The following PEAK1 variants were observed in gnomAD, a reference collection of about 807,000 sequenced individuals.
PEAK1 encodes pseudopodium enriched atypical kinase 1, also known as inactive tyrosine-protein kinase PEAK1.
Under a neutral mutation model 124.7 loss-of-function variants are expected in PEAK1, and 54 were observed. The observed-to-expected ratio is 0.43, with a 90% CI of 0.35 to 0.54. PEAK1 has a LOEUF of 0.54. Among genes scored for constraint, PEAK1 ranks in the 20% least tolerant of loss-of-function variants. The pLI, the probability that PEAK1 is intolerant of heterozygous loss-of-function variation, is 0.01. For missense variants in PEAK1, 2,046 were observed against 2,134.5 expected (o/e 0.96, Z 0.82); for synonymous variants, 719 against 760.0 (o/e 0.95, Z 0.89).
intron 6 of PEAK1, among the ~76,000 whole-genome samples, chr15:77,247,740 C>T (rs952366486): frequency 6.6e-6 from 1 of 151,892 alleles, no homozygotes; most frequent in South Asian, 2.1e-4. Context: ...CCTGTCTTAG[C>T]CTCCCATTCA....
chr15:77,344,672 A>C (rs2066758393), intron 2 of PEAK1, among the ~76,000 whole-genome samples: 1 of 152,222 alleles, frequency 6.6e-6, no homozygotes, highest in Admixed American at 6.5e-5. Context: ...TCTTAACAAC[A>C]GTGTCTTCCA....
exon 7 of PEAK1, chr15:77,102,027 T>C (rs1246775327): frequency 5.9e-5 from 9 of 152,250 alleles, no homozygotes; most frequent in Non-Finnish European, 1.3e-4. Context: ...TAAACAACAG[T>C]TGCAGGATAT....
rs1265181295 is a variant in PEAK1, at chr15:77,122,250, G to A, written c.4078-6931C>T. Among the ~76,000 whole-genome samples the A allele has an allele frequency of 3.3e-5, 5 of 152,158 alleles. No homozygotes were observed. In the East Asian group the frequency reaches 9.6e-4, roughly 29 times the overall value. On this transcript the variant is annotated intron_variant, in intron 9 of 9. Transcript: ENST00000682557. The stretch of plus-strand genomic sequence containing the variant: ...TTACAGCTTGAATTGCTGCAAAAAT[G>A]TTCACATGCCCAAGAAAGTGATTTT...
chr15:77,195,881 G>A (rs181121601), intron 6 of PEAK1, among the ~76,000 whole-genome samples: 6 of 152,274 alleles, frequency 3.9e-5, no homozygotes, highest in African/African-American at 9.6e-5. Context: ...GAGTGCCCAC[G>A]GAAGGTGCAG....
chr15:77,408,650 C>A (rs1176483574), intron 1 of PEAK1, among the ~76,000 whole-genome samples: 1 of 152,154 alleles, frequency 6.6e-6, no homozygotes, highest in African/African-American at 2.4e-5. Flanking sequence ...CTTAACTCTT[C>A]TTTCACACAA....
At position 77,365,225 on chromosome 15, in the gene PEAK1, C is replaced by A. The variant is rs1415596853; in HGVS notation, c.-665G>T. On this transcript the variant is annotated splice_region_variant and 5_prime_UTR_variant, in exon 2 of 10. Transcript: ENST00000682557. Reference sequence around the variant, plus strand: ...GCATAAGTTCCAGTTTGGGCAGATACCTGAATTGTAAAAAACAAACAGAAA... The same window carrying A: ...GCATAAGTTCCAGTTTGGGCAGATAACTGAATTGTAAAAAACAAACAGAAA... 9.2e-6 allele frequency: 9 copies of A among 981,878 alleles called. No individual in the cohort carries two copies. Among genetic ancestry groups the A allele is most frequent in the Non-Finnish European group, 1.1e-5 (9 of 826,924 alleles). 60.8% of individuals were successfully genotyped at this position (981,878 alleles called of 1,614,324 possible). A position where few individuals can be genotyped will look rare whatever the true frequency, so the allele number is the denominator to read the frequency against.
chr15:77,294,364 A>C (rs938788661), intron 2 of PEAK1, among the ~76,000 whole-genome samples: 6 of 152,190 alleles, frequency 3.9e-5, no homozygotes, highest in Non-Finnish European at 8.8e-5. Flanking sequence ...AGTACTATGC[A>C]AATAAAGATT....
At chr15:77,371,318 A>G (rs1243631817) in intron 1 of PEAK1, 6 of 917,132 alleles carry the variant, frequency 6.5e-6, no homozygotes, top group African/African-American at 1.8e-5. Context: ...TTCACTGAAA[A>G]TATTCCTTCC....
At chr15:77,418,774 G>A (rs1439784134) in intron 1 of PEAK1, 3 of 985,224 alleles carry the variant, frequency 3.0e-6, no homozygotes, top group African/African-American at 3.5e-5. Context: ...ACACTGCAGA[G>A]AGCAATATGG....
At chr15:77,268,092 G>A (rs1177670028) in intron 5 of PEAK1, among the ~76,000 whole-genome samples, 1 of 152,140 alleles carries the variant, frequency 6.6e-6, no homozygotes, top group African/African-American at 2.4e-5. Flanking sequence ...AAATAGAACT[G>A]AACAAGTAGA....
At position 77,115,234 on chromosome 15, in the gene PEAK1, T is replaced by C; in HGVS notation, c.4163A>G (p.Gln1388Arg). ...RQSLAVHFNIQQDCGHFLAEV... is the reference protein window; with the variant it reads ...RQSLAVHFNIRQDCGHFLAEV... ...AGCAAGGAAATGACCACAGTCCTGC[T>C]GAATGTTAAAATGGACAGCCAGACT... Residue 1388 changes from glutamine to arginine, a missense_variant, in exon 10 of 10, where the codon CAG becomes CGG. By Grantham distance (43) the Gln-to-Arg change is conservative. Transcript: ENST00000682557. 6.2e-7 allele frequency: 1 copy of C among 1,614,226 alleles called. No individual in the cohort carries two copies. Among genetic ancestry groups the C allele is most frequent in the South Asian group, 1.1e-5 (1 of 91,084 alleles).
chr15:77,187,186 C>G (rs1463613740), intron 6 of PEAK1, among the ~76,000 whole-genome samples: 1 of 152,130 alleles, frequency 6.6e-6, no homozygotes, highest in South Asian at 2.1e-4. Flanking sequence ...ATGGCTGAAG[C>G]TGCCCCTAGG....
intron 6 of PEAK1, among the ~76,000 whole-genome samples, chr15:77,235,273 G>A (rs1369773928): frequency 6.6e-6 from 1 of 151,950 alleles, no homozygotes; most frequent in Non-Finnish European, 1.5e-5. Context: ...ACAAGCAGAG[G>A]ATGGAACAGT....
At chr15:77,262,602 C>G (rs1486819898) in intron 5 of PEAK1, among the ~76,000 whole-genome samples, 2 of 151,596 alleles carry the variant, frequency 1.3e-5, no homozygotes, top group African/African-American at 4.9e-5. Context: ...CACCCAGATT[C>G]ATAAAGCAAG....
At chr15:77,371,127 A>C in intron 1 of PEAK1, 6 of 958,594 alleles carry the variant, frequency 6.3e-6, no homozygotes, top group Non-Finnish European at 7.4e-6. Context: ...TGTTATTTTC[A>C]TATCATTAAT....
intron 8 of PEAK1, among the ~76,000 whole-genome samples, chr15:77,153,785 T>C (rs1189068587): frequency 6.6e-6 from 1 of 152,196 alleles, no homozygotes; most frequent in Non-Finnish European, 1.5e-5. Context: ...TTCCATGCAG[T>C]TGAGCGGTTT....
chr15:77,177,493 G>A (rs1245059897), intron 7 of PEAK1, among the ~76,000 whole-genome samples: 1 of 127,548 alleles, frequency 7.8e-6, no homozygotes, highest in South Asian at 2.3e-4. Context: ...CTAGCATTTT[G>A]CTAGGAAAAG....
chr15:77,354,449 T>G (rs896520024), intron 2 of PEAK1, among the ~76,000 whole-genome samples: 5 of 152,216 alleles, frequency 3.3e-5, no homozygotes, highest in African/African-American at 9.6e-5. Context: ...CCAAAATATC[T>G]TTCATACTAC....
At chr15:77,288,834 C>T (rs2152976571) in intron 2 of PEAK1, among the ~76,000 whole-genome samples, 2 of 148,952 alleles carry the variant, frequency 1.3e-5, no homozygotes, top group East Asian at 2.0e-4. Flanking sequence ...GAGACTGAGG[C>T]AGGAGAATGG....
Sources: allele counts gnomAD v4.1 joint callset (sites outside exome capture counted in the v4.1 genomes callset), GRCh38; gene constraint gnomAD v4.1.1; transcripts MANE v1.5; gene names NCBI Gene and HGNC (gene_info 2026-07-23, HGNC 2026-07-21).